The following ANKRD23 variants were observed in gnomAD, a reference collection of about 807,000 sequenced individuals.
ANKRD23 encodes ankyrin repeat domain 23.
Under a neutral mutation model 38.1 loss-of-function variants are expected in ANKRD23, and 52 were observed. The observed-to-expected ratio is 1.36, with a 90% confidence interval of 1.09 to 1.72. The LOEUF is 1.72. ANKRD23 is among the 40% of genes most tolerant of loss of function. The pLI is 0.00. For missense variants in ANKRD23, 416 were observed against 400.2 expected, an observed-to-expected ratio of 1.04 and a Z score of -0.34; for synonymous variants, 167 against 162.9, an observed-to-expected ratio of 1.03 and a Z score of -0.19.
chr2:96,838,603 T>G lies in ANKRD23; in HGVS notation c.*946A>C, dbSNP rs1163819750. 27 of 985,428 alleles carry G rather than the reference T, an allele frequency of 2.7e-5. No individual in the cohort carries two copies. Among genetic ancestry groups the G allele is most frequent in the Non-Finnish European group, 3.0e-5 (25 of 830,164 alleles). 61.0% of individuals were successfully genotyped at this position (985,428 alleles called of 1,614,324 possible). Reference sequence around the variant, plus strand: ...CAGCTGCAGCGTTCCAGGCAAGAGCTCAAGCTCCAGTACCAGGAACATAAG... The same window carrying G: ...CAGCTGCAGCGTTCCAGGCAAGAGCGCAAGCTCCAGTACCAGGAACATAAG... On this transcript the variant is annotated 3_prime_UTR_variant, in exon 9 of 9. Transcript: ENST00000318357.
At chr2:96,841,738 A>G (rs553324864) in intron 3 of ANKRD23, among the ~76,000 whole-genome samples, 1 of 152,278 alleles carries the variant, frequency 6.6e-6, no homozygotes, top group East Asian at 1.9e-4. Flanking sequence ...GATCACCAGC[A>G]TCCACCAGAA....
rs1387983745 is a variant in ANKRD23 at position 96,839,338 on chromosome 2, G to C, written c.*211C>G. ...TGCTCCAGCCCTGGGAGGGAACGCG[G>C]CTCCCCTGACACTCGAAGCCAGGGA... On this transcript the variant is annotated 3_prime_UTR_variant, in exon 9 of 9. Coordinates refer to ENST00000318357, the MANE Select transcript of ANKRD23 (RefSeq NM_144994.8). 2 of 1,250,026 alleles carry C rather than the reference G, an allele frequency of 1.6e-6. No homozygotes were observed. Among genetic ancestry groups the C allele is most frequent in the Non-Finnish European group, 2.0e-6 (2 of 999,482 alleles). The allele number at this position is 1,250,026 out of a possible 1,614,324, so 77.4% of individuals were successfully genotyped here. A position where few individuals can be genotyped will look rare whatever the true frequency, so the allele number is the denominator to read the frequency against.
chr2:96,843,627 T>G (rs1035832949), intron 1 of ANKRD23, among the ~76,000 whole-genome samples: 1 of 152,120 alleles, frequency 6.6e-6, no homozygotes, highest in African/African-American at 2.4e-5. Flanking sequence ...GACTTCCCTC[T>G]CTTGCTCCCT....
At chr2:96,841,096 C>A (rs72811624) in intron 3 of ANKRD23, 184 bp from the exon 4 acceptor site, 1 of 678,020 alleles carries the variant, frequency 1.5e-6, no homozygotes, top group Admixed American at 3.1e-5. Context: ...TGTGTGTGAG[C>A]GTGTGTGTTA....
chr2:96,842,280 C>T, intron 2 of ANKRD23, 85 bp downstream of exon 2: 3 of 1,605,298 alleles, frequency 1.9e-6, no homozygotes, highest in Non-Finnish European at 2.6e-6. Flanking sequence ...CAGGCTGCCC[C>T]ACCAGAGTCC....
In ANKRD23 at chr2:96,839,748, G is replaced by A. The variant is rs938836635; in HGVS notation, c.801C>T (p.Ala267=). ...KAMKLLLLYG[A]ELGVRNAASV... Reference sequence around the variant, plus strand: ...TCACCGCGTTCCGCACCCCCAGCTCGGCCCCATAGAGCAGCAGTAGCTTCA... The same window carrying A: ...TCACCGCGTTCCGCACCCCCAGCTCAGCCCCATAGAGCAGCAGTAGCTTCA... The change falls in exon 8 of 9, where the codon GCC becomes GCT. Residue 267 remains alanine, a synonymous_variant. Coordinates refer to ENST00000318357, the MANE Select transcript of ANKRD23 (RefSeq NM_144994.8). 11 of 1,613,190 alleles carry A rather than the reference G, an allele frequency of 6.8e-6. No individual in the cohort carries two copies. The highest frequency in any genetic ancestry group is 5.0e-5 in the Admixed American group (3 of 60,002).
Position 96,840,107 on chromosome 2 carries a change from T to TG in ANKRD23, c.625-13dup, listed in dbSNP as rs753802719. ...GGGGTGCTCCCGATCTGAGAGCAAG[T>TG]GGGGGTCAGTGCTGGGTCTGGATTG... On this transcript the variant is annotated splice_polypyrimidine_tract_variant and intron_variant, in intron 6 of 8. Coordinates refer to ENST00000318357, the MANE Select transcript of ANKRD23 (RefSeq NM_144994.8). 37 of 1,551,274 alleles carry TG rather than the reference T, an allele frequency of 2.4e-5. No homozygotes were observed. Among genetic ancestry groups the TG allele is most frequent in the Non-Finnish European group, 3.0e-5 (34 of 1,146,908 alleles).
Position 96,839,515 on chromosome 2 carries a change from AGTGCGAAAGGCGCGGCGGGGGGCG to A in ANKRD23, c.*10_*33del. On this transcript the variant is annotated 3_prime_UTR_variant, in exon 9 of 9. Transcript: ENST00000318357. The stretch of plus-strand genomic sequence containing the variant: ...GCGGGGCACAGGATGGAATGGTGGC[AGTGCGAAAGGCGCGGCGGGGGGCG>A]GTGCTGCGGTCAGCACCGGGTGCGG... 7.0e-7 allele frequency: 1 copy of A among 1,424,086 alleles called. No individual in the cohort carries two copies. The highest frequency in any genetic ancestry group is 9.1e-7 in the Non-Finnish European group (1 of 1,094,488). 88.2% of individuals were successfully genotyped at this position (1,424,086 alleles called of 1,614,324 possible).
Position 96,843,969 on chromosome 2 carries a change from C to G in ANKRD23, c.24G>C (p.Gln8His). The change falls in exon 1 of 9, where the codon CAG becomes CAC. Residue 8 changes from glutamine (Q) to histidine (H), a missense_variant. Coordinates refer to ENST00000318357, the MANE Select transcript of ANKRD23 (RefSeq NM_144994.8). The stretch of plus-strand genomic sequence containing the variant: ...CACCTCCGTCCCACATCCTTACCAA[C>G]TGCTGAATGCTGATGAAGTCCATGG... MDFISIQ[Q>H]LVSGERVEGK... The G allele has an allele frequency of 6.2e-7, 1 of 1,608,984 alleles. No individual in the cohort carries two copies. Among genetic ancestry groups the G allele is most frequent in the South Asian group, 1.1e-5 (1 of 89,922 alleles).
intron 1 of ANKRD23, among the ~76,000 whole-genome samples, chr2:96,843,657 A>G (rs1426410694): frequency 1.3e-5 from 2 of 151,942 alleles, no homozygotes; most frequent in African/African-American, 4.8e-5. Context: ...ACCACCTCAC[A>G]TGAGAACCGA....
At position 96,839,789 on chromosome 2, in the gene ANKRD23, C is replaced by T. The variant is rs541144314; in HGVS notation, c.760G>A (p.Gly254Ser). The T allele has an allele frequency of 2.7e-5, 43 of 1,613,342 alleles. No homozygotes were observed. Among genetic ancestry groups the T allele is most frequent in the East Asian group, 6.7e-5 (3 of 44,868 alleles). The part of the protein sequence containing the change: ...DTALHEAVRH[G>S]SYKAMKLLLL... ...AGTAGCTTCATGGCTTTGTAGCTGCCGTGCCGCACGGCCTCGTGCAGAGCC... is the reference window on the plus strand; with the variant it reads ...AGTAGCTTCATGGCTTTGTAGCTGCTGTGCCGCACGGCCTCGTGCAGAGCC... Residue 254 changes from glycine to serine, a missense_variant, in exon 8 of 9, where the codon GGC (glycine) becomes AGC (serine). By Grantham distance (56) the Gly-to-Ser change is moderately conservative (BLOSUM62 0). Transcript: ENST00000318357.
chr2:96,838,794 TTC>T lies in ANKRD23; in HGVS notation c.*753_*754del. ...GGCCAGTACACAGTGGGTGCGAGGC[TTC>T]TCTCAAATGCGCGCTCCAGCTCATC... On this transcript the variant is annotated 3_prime_UTR_variant, in exon 9 of 9. Coordinates refer to ENST00000318357, the MANE Select transcript of ANKRD23 (RefSeq NM_144994.8). The T allele has an allele frequency of 2.0e-6, 2 of 985,500 alleles. No individual in the cohort carries two copies. The highest frequency in any genetic ancestry group is 2.4e-6 in the Non-Finnish European group (2 of 829,992). 61.0% of individuals were successfully genotyped at this position (985,500 alleles called of 1,614,324 possible).
chr2:96,840,558 C>T (rs755920409), intron 4 of ANKRD23, 44 bp from the exon 5 acceptor site: 2 of 1,598,736 alleles, frequency 1.3e-6, no homozygotes, highest in South Asian at 2.2e-5. Flanking sequence ...GTGCAGCCAC[C>T]CCTAGAGACC....
intron 1 of ANKRD23, among the ~76,000 whole-genome samples, chr2:96,843,040 G>T (rs943167914): frequency 2.0e-5 from 3 of 152,222 alleles, no homozygotes; most frequent in African/African-American, 7.2e-5. Flanking sequence ...AGTTGTGAAG[G>T]TTATGAGTTA....
rs2079716993 is a variant in ANKRD23, at chr2:96,838,384, CCAGTGTAATTTGAAA to C, written c.*1150_*1164del. 1.0e-6 allele frequency: 1 copy of C among 988,026 alleles called. No individual in the cohort carries two copies. The highest frequency in any genetic ancestry group is 1.2e-6 in the Non-Finnish European group (1 of 830,206). The allele number at this position is 988,026 out of a possible 1,614,324, so 61.2% of individuals were successfully genotyped here. A position where few individuals can be genotyped will look rare whatever the true frequency, so the allele number is the denominator to read the frequency against. The stretch of plus-strand genomic sequence containing the variant: ...GCCCCACCAGCAGTACAGGCCTACA[CCAGTGTAATTTGAAA>C]CGTACAGACGGTGGAAGAGGAAGTC... On this transcript the variant is annotated 3_prime_UTR_variant, in exon 9 of 9. Coordinates refer to ENST00000318357, the MANE Select transcript of ANKRD23 (RefSeq NM_144994.8).
intron 3 of ANKRD23, chr2:96,841,135 G>A (rs11897786): frequency 0.16 from 81,312 of 522,916 alleles, 16,208 homozygotes; most frequent in African/African-American, 0.73. Flanking sequence ...CCCAAGATTC[G>A]TATGAAGTAC....
At position 96,840,426 on chromosome 2, in the gene ANKRD23, G is replaced by A. The variant is rs769908649; in HGVS notation, c.515C>T (p.Ala172Val). The A allele has an allele frequency of 4.2e-5, 68 of 1,613,886 alleles. No individual in the cohort carries two copies. In the East Asian group the frequency reaches 1.1e-3, roughly 26 times the overall value. The part of the protein sequence containing the change: ...KLLVAGATVD[A>V]RDLLDRTPVF... ...TTTCCCCATCCTCACCAAGTCTCGCGCGTCCACTGTGGCACCTGCCACCAG... is the reference window on the plus strand; with the variant it reads ...TTTCCCCATCCTCACCAAGTCTCGCACGTCCACTGTGGCACCTGCCACCAG... The change falls in exon 5 of 9, where the codon GCG becomes GTG. Residue 172 changes from alanine to valine, a missense_variant. Ala to Val is a moderately conservative substitution (Grantham distance 64). Coordinates refer to ENST00000318357, the MANE Select transcript of ANKRD23 (RefSeq NM_144994.8).
chr2:96,843,145 G>C (rs2079779795), intron 1 of ANKRD23, among the ~76,000 whole-genome samples: 1 of 152,222 alleles, frequency 6.6e-6, no homozygotes. Context: ...GGGGAGCACT[G>C]AGGAATCAGC....
rs2079712324 is a variant in ANKRD23 at position 96,838,162 on chromosome 2, T to G, written c.*1387A>C. 1 of 185,524 alleles carries G rather than the reference T, an allele frequency of 5.4e-6. No individual in the cohort carries two copies. The highest frequency in any genetic ancestry group is 1.0e-5 in the Non-Finnish European group (1 of 98,208). 11.5% of individuals were successfully genotyped at this position (185,524 alleles called of 1,614,324 possible). The stretch of plus-strand genomic sequence containing the variant: ...TTCCACATAGTAACAACAGCCTTGT[T>G]CTGGGCCTGAGAAGGCCCCCAAAGG... On this transcript the variant is annotated 3_prime_UTR_variant, in exon 9 of 9. Transcript: ENST00000318357.
Sources: allele counts gnomAD v4.1 joint callset (sites outside exome capture counted in the v4.1 genomes callset), GRCh38; gene constraint gnomAD v4.1.1; transcripts MANE v1.5; gene names NCBI Gene and HGNC (gene_info 2026-07-23, HGNC 2026-07-21).